KCNN2: variants seen among roughly 807,000 people sequenced by gnomAD.
KCNN2 encodes the protein potassium calcium-activated channel subfamily N member 2.
KCNN2 carries 24 observed loss-of-function variants against 55.5 expected under a neutral mutation model. The observed-to-expected ratio is 0.43, with a 90% confidence interval of 0.31 to 0.61. The LOEUF (loss-of-function observed/expected upper bound fraction) is 0.61, where lower values mean the gene tolerates loss of function less well. Ranked by LOEUF, KCNN2 falls within the 20% of genes least tolerant of loss-of-function variation. KCNN2 has a pLI of 0.08. For missense variants in KCNN2, 754 were observed against 853.6 expected, an observed-to-expected ratio of 0.88 and a Z score of 1.45; for synonymous variants, 431 against 336.1, an observed-to-expected ratio of 1.28 and a Z score of -3.09.
At chr5:114,282,926 G>T (rs140704957) in intron 2 of KCNN2, among the ~76,000 whole-genome samples, 1 of 152,214 alleles carries the variant, frequency 6.6e-6, no homozygotes, top group African/African-American at 2.4e-5. Context: ...TCACTGTCAA[G>T]GTATCAGTTA....
chr5:114,447,411 T>C (rs1232601802), intron 3 of KCNN2, among the ~76,000 whole-genome samples: 1 of 152,224 alleles, frequency 6.6e-6, no homozygotes, highest in East Asian at 1.9e-4. Context: ...TAGAAGGAAA[T>C]GTCTCTGGGT....
chr5:114,100,423 A>G (rs1353839439), intron 1 of KCNN2, among the ~76,000 whole-genome samples: 1 of 152,108 alleles, frequency 6.6e-6, no homozygotes, highest in African/African-American at 2.4e-5. Context: ...GTATTGCTGG[A>G]TTTTGAGTAT....
chr5:114,345,802 A>T (rs1266104524), intron 2 of KCNN2, among the ~76,000 whole-genome samples: 2 of 151,582 alleles, frequency 1.3e-5, no homozygotes, highest in Non-Finnish European at 2.9e-5. Context: ...TTTTTTTGAG[A>T]TGGAGTTTCG....
chr5:114,124,263 C>T (rs1284105546), intron 1 of KCNN2, among the ~76,000 whole-genome samples: 6 of 152,160 alleles, frequency 3.9e-5, no homozygotes, highest in African/African-American at 1.4e-4. Flanking sequence ...GGGGACTCTT[C>T]ATAAAACAAG....
At position 114,395,880 on chromosome 5, in the gene KCNN2, G is replaced by A. The variant is rs1037244908; in HGVS notation, c.1219-8558G>A. On this transcript the variant is annotated intron_variant, in intron 2 of 7. Transcript: ENST00000673685. ...TTGGGCTTCCTCTGGACTTGGCCTT[G>A]AGTACTGTTTTGTTCTCTTCACTTT... Among the ~76,000 whole-genome samples the A allele has an allele frequency of 5.3e-5, 8 of 152,036 alleles. No homozygotes were observed. In the South Asian group the frequency reaches 1.2e-3, roughly 24 times the overall value.
intron 3 of KCNN2, among the ~76,000 whole-genome samples, chr5:114,423,337 A>G (rs1234282478): frequency 1.3e-5 from 2 of 152,126 alleles, no homozygotes; most frequent in East Asian, 3.9e-4. Context: ...ACTCACCCCC[A>G]CAGCCCCCAA....
At chr5:114,069,211 C>T (rs1343977246) in intron 1 of KCNN2, among the ~76,000 whole-genome samples, 1 of 152,152 alleles carries the variant, frequency 6.6e-6, no homozygotes, top group Non-Finnish European at 1.5e-5. Context: ...GAGCAGCCAG[C>T]CCTGGCTTTG....
chr5:114,330,632 G>A (rs1232009341), intron 2 of KCNN2, among the ~76,000 whole-genome samples: 1 of 95,720 alleles, frequency 1.0e-5, no homozygotes, highest in Non-Finnish European at 2.3e-5. Context: ...CAAGCCTCCT[G>A]TCCTCTTCCT....
intron 2 of KCNN2, among the ~76,000 whole-genome samples, chr5:114,276,931 G>T (rs886457133): frequency 2.0e-5 from 3 of 152,132 alleles, no homozygotes; most frequent in African/African-American, 7.2e-5. Context: ...TTTCTTCATA[G>T]TGTCGATGGT....
At chr5:114,294,316 T>C (rs1755962292) in intron 2 of KCNN2, among the ~76,000 whole-genome samples, 1 of 152,158 alleles carries the variant, frequency 6.6e-6, no homozygotes, top group Non-Finnish European at 1.5e-5. Flanking sequence ...TCCTGCTTTC[T>C]CTTGTGGGCA....
intron 1 of KCNN2, among the ~76,000 whole-genome samples, chr5:114,136,867 T>A (rs1752184330): frequency 6.6e-6 from 1 of 152,194 alleles, no homozygotes; most frequent in Admixed American, 6.5e-5. Flanking sequence ...AAGTTTGCTT[T>A]ATATGTTTTC....
chr5:114,207,621 A>T (rs1753801577), intron 1 of KCNN2, among the ~76,000 whole-genome samples: 3 of 152,126 alleles, frequency 2.0e-5, no homozygotes, highest in South Asian at 4.1e-4. Context: ...CATTGTAGGA[A>T]TTTTTTTCTT....
chr5:114,429,961 G>A (rs912449661), intron 3 of KCNN2, among the ~76,000 whole-genome samples: 2 of 150,950 alleles, frequency 1.3e-5, no homozygotes, highest in African/African-American at 4.9e-5. Flanking sequence ...TTTCTACCTC[G>A]CCTATTCTGT....
chr5:114,315,093 C>T (rs997553636), intron 2 of KCNN2, among the ~76,000 whole-genome samples: 1 of 152,100 alleles, frequency 6.6e-6, no homozygotes, highest in Non-Finnish European at 1.5e-5. Flanking sequence ...TGGGAGCAAA[C>T]AGGAACCAGA....
At chr5:114,478,445 G>C (rs1412190143) in intron 5 of KCNN2, among the ~76,000 whole-genome samples, 2 of 151,782 alleles carry the variant, frequency 1.3e-5, no homozygotes, top group Non-Finnish European at 2.9e-5. Context: ...AAAGAGATGG[G>C]GAGTATGGTA....
intron 2 of KCNN2, among the ~76,000 whole-genome samples, chr5:114,293,674 G>C (rs193024100): frequency 1.1e-4 from 17 of 152,168 alleles, no homozygotes; most frequent in African/African-American, 1.4e-4. Flanking sequence ...GTGTCTCTGC[G>C]AGGCTTTGGT....
chr5:114,140,538 C>G (rs573694890), intron 1 of KCNN2, among the ~76,000 whole-genome samples: 1 of 152,064 alleles, frequency 6.6e-6, no homozygotes, highest in South Asian at 2.1e-4. Context: ...ATTTTACCAC[C>G]TGATATTAGA....
At chr5:114,172,741 G>A (rs1051581299) in intron 1 of KCNN2, among the ~76,000 whole-genome samples, 4 of 151,284 alleles carry the variant, frequency 2.6e-5, no homozygotes, top group African/African-American at 9.7e-5. Context: ...TATGTCTTTT[G>A]AGAAATGTCT....
chr5:114,199,741 A>G (rs961344321), intron 1 of KCNN2, among the ~76,000 whole-genome samples: 5 of 151,788 alleles, frequency 3.3e-5, no homozygotes, highest in Non-Finnish European at 5.9e-5. Context: ...TCTGGGAAGG[A>G]CTTTATTTCT....
Sources: gnomAD v4.1 joint callset for allele counts (sites outside exome capture counted in the v4.1 genomes callset) on GRCh38, gnomAD v4.1.1 for gene constraint, MANE v1.5 for transcripts, NCBI Gene and HGNC (gene_info 2026-07-23, HGNC 2026-07-21) for gene names.